The following ZNF717 variants were observed in gnomAD, a reference collection of about 807,000 sequenced individuals.
The protein encoded by ZNF717 is krueppel-like factor X17.
ZNF717 carries 9 observed loss-of-function variants against 13.8 expected under a neutral mutation model. The ratio of observed to expected loss-of-function variants is 0.65; its 90% CI spans 0.39 to 1.14. ZNF717 has a LOEUF of 1.14. Ranked by LOEUF, ZNF717 falls within the 50% of genes most tolerant of loss-of-function variation. ZNF717 has a pLI of 0.01. For missense variants in ZNF717, 1,040 were observed against 1,080.7 expected (o/e 0.96, Z 0.53); for synonymous variants, 327 against 364.1 (o/e 0.90, Z 1.16).
intron 2 of ZNF717, among the ~76,000 whole-genome samples, chr3:75,765,464 G>A (rs1358399760): frequency 6.6e-6 from 1 of 152,216 alleles, no homozygotes; most frequent in African/African-American, 2.4e-5. Flanking sequence ...TGGCAGGAGT[G>A]CAATGGCATG....
At position 75,772,498 on chromosome 3, in the gene ZNF717, C is replaced by A. The variant is rs529281327; in HGVS notation, c.57+10808G>T. Among the ~76,000 whole-genome samples, 3 of 152,356 alleles carry A rather than the reference C, an allele frequency of 2.0e-5. No individual in the cohort carries two copies. In the South Asian group the frequency reaches 6.2e-4, roughly 32 times the overall value. On this transcript the variant is annotated intron_variant, in intron 2 of 4. Transcript: ENST00000652011. The stretch of plus-strand genomic sequence containing the variant: ...TTGGGGCTCTGCAGTTCCTGCATCT[C>A]CAAGCTTCTGGGCACCACTGCATTC...
intron 1 of ZNF717, chr3:75,785,136 C>G (rs1053031955): frequency 6.6e-6 from 1 of 152,292 alleles, no homozygotes; most frequent in African/African-American, 2.4e-5. Context: ...GCACGCGTTT[C>G]GCACTACTCC....
At chr3:75,704,351 T>C (rs1360830200) in intron 6 of ZNF717, among the ~76,000 whole-genome samples, 2 of 152,300 alleles carry the variant, frequency 1.3e-5, no homozygotes, top group African/African-American at 2.4e-5. Flanking sequence ...CTTTCGGCAA[T>C]ATCATGAAGG....
chr3:75,728,903 T>C (rs371111452), downstream of ZNF717, among the ~76,000 whole-genome samples: 2 of 146,678 alleles, frequency 1.4e-5, no homozygotes, highest in Admixed American at 6.8e-5. Context: ...CAATCAGATA[T>C]GCATTTGTGT....
chr3:75,719,312 G>A (rs1938124492), intron 4 of ZNF717, among the ~76,000 whole-genome samples: 3 of 150,522 alleles, frequency 2.0e-5, no homozygotes, highest in South Asian at 4.2e-4. Flanking sequence ...TATTAAAACA[G>A]ATACTGTGGT....
chr3:75,745,951 G>A (rs1941131629), intron 2 of ZNF717, among the ~76,000 whole-genome samples: 2 of 152,094 alleles, frequency 1.3e-5, no homozygotes, highest in African/African-American at 2.4e-5. Context: ...GTATACGTGT[G>A]CCATGTTGGT....
downstream of ZNF717, among the ~76,000 whole-genome samples, chr3:75,709,340 G>T (rs1169153740): frequency 1.3e-5 from 2 of 151,930 alleles, no homozygotes; most frequent in Non-Finnish European, 2.9e-5. Flanking sequence ...ATGAACTCTG[G>T]GTGAGAACTT....
downstream of ZNF717, among the ~76,000 whole-genome samples, chr3:75,707,026 G>A (rs1239206669): frequency 9.2e-5 from 14 of 152,100 alleles, no homozygotes; most frequent in African/African-American, 3.1e-4. Context: ...ATAAAGCATA[G>A]AAAGTGTTAC....
chr3:75,761,722 AT>A (rs1943033899), intron 2 of ZNF717, among the ~76,000 whole-genome samples: 1 of 152,256 alleles, frequency 6.6e-6, no homozygotes, highest in Admixed American at 6.5e-5. Flanking sequence ...TAAACTAACA[AT>A]GAACAATCTG....
chr3:75,764,858 T>C (rs1205742454), intron 2 of ZNF717, among the ~76,000 whole-genome samples: 3 of 152,076 alleles, frequency 2.0e-5, no homozygotes, highest in African/African-American at 7.2e-5. Context: ...ATCCAACTTC[T>C]ACAGAGAGAC....
chr3:75,749,335 G>A (rs1941474048), intron 2 of ZNF717, among the ~76,000 whole-genome samples: 1 of 151,606 alleles, frequency 6.6e-6, no homozygotes, highest in South Asian at 2.1e-4. Flanking sequence ...GAACACTGCT[G>A]CTGGGTTCCA....
intron 4 of ZNF717, 105 bp from the exon 5 acceptor site, chr3:75,739,450 T>C: frequency 1.4e-6 from 1 of 735,712 alleles, no homozygotes; most frequent in Admixed American, 3.6e-5. Context: ...GAGTAAGATT[T>C]GACAAAAATA....
chr3:75,696,170 G>T (rs144549248), intron 6 of ZNF717, among the ~76,000 whole-genome samples: 2 of 152,310 alleles, frequency 1.3e-5, no homozygotes, highest in African/African-American at 2.4e-5. Flanking sequence ...ATCATTAGTG[G>T]TTACTATCAG....
At chr3:75,755,961 C>T (rs1942436620) in intron 2 of ZNF717, among the ~76,000 whole-genome samples, 1 of 152,268 alleles carries the variant, frequency 6.6e-6, no homozygotes, top group South Asian at 2.1e-4. Context: ...TATCAAAAGA[C>T]AGACACATCT....
intron 2 of ZNF717, among the ~76,000 whole-genome samples, chr3:75,750,784 A>C (rs1941697195): frequency 1.4e-5 from 2 of 143,950 alleles, no homozygotes; most frequent in East Asian, 4.2e-4. Context: ...TGTGGTCTGA[A>C]TTTCTCCCTC....
At chr3:75,718,339 C>T (rs1451379766) in intron 4 of ZNF717, among the ~76,000 whole-genome samples, 16 of 152,046 alleles carry the variant, frequency 1.1e-4, no homozygotes, top group Admixed American at 2.6e-4. Flanking sequence ...GGGCTCCTAC[C>T]GTTTATACTT....
intron 2 of ZNF717, among the ~76,000 whole-genome samples, chr3:75,766,051 G>A (rs201606423): frequency 5.9e-5 from 9 of 152,218 alleles, no homozygotes; most frequent in Admixed American, 3.9e-4. Context: ...AGGTTGCAGT[G>A]AGCCAAGATT....
downstream of ZNF717, among the ~76,000 whole-genome samples, chr3:75,707,281 T>C (rs1180134624): frequency 3.3e-5 from 5 of 152,160 alleles, no homozygotes; most frequent in Admixed American, 1.3e-4. Context: ...ATATGAGTTA[T>C]TAAGGCCATA....
chr3:75,756,758 TC>T (rs1942525870), intron 2 of ZNF717, among the ~76,000 whole-genome samples: 1 of 152,158 alleles, frequency 6.6e-6, no homozygotes, highest in African/African-American at 2.4e-5. Context: ...CATCGCAACC[TC>T]TGCCTCCCAA....
Sources: allele counts gnomAD v4.1 joint callset (sites outside exome capture counted in the v4.1 genomes callset), GRCh38; gene constraint gnomAD v4.1.1; transcripts MANE v1.5; gene names NCBI Gene and HGNC (gene_info 2026-07-23, HGNC 2026-07-21).